The following ARID1B variants were observed in gnomAD, a reference collection of about 807,000 sequenced individuals.
ARID1B encodes the protein AT-rich interactive domain-containing protein 1B.
Under a neutral mutation model 212.3 loss-of-function variants are expected in ARID1B, and 30 were observed. The observed-to-expected ratio is 0.14, with a 90% CI of 0.11 to 0.19. The LOEUF (loss-of-function observed/expected upper bound fraction) is 0.19. Ranked by LOEUF, ARID1B falls within the 10% of genes least tolerant of loss-of-function variation. The pLI, the probability that ARID1B is intolerant of heterozygous loss-of-function variation, is 1.00. For missense variants in ARID1B, 2,891 were observed against 3,204.0 expected (o/e 0.90, Z 2.36); for synonymous variants, 1,402 against 1,301.7 (o/e 1.08, Z -1.66).
At chr6:157,011,774 C>T (rs1173837606) in intron 4 of ARID1B, among the ~76,000 whole-genome samples, 5 of 152,196 alleles carry the variant, frequency 3.3e-5, no homozygotes, top group African/African-American at 1.2e-4. Flanking sequence ...TTCTCTACTA[C>T]CTTATTTTGG....
chr6:156,959,543 T>C (rs1245987540), intron 4 of ARID1B, among the ~76,000 whole-genome samples: 1 of 147,502 alleles, frequency 6.8e-6, no homozygotes, highest in Non-Finnish European at 1.5e-5. Flanking sequence ...GTCTGTTTAT[T>C]GTTACAGTGT....
chr6:157,175,536 A>G (rs1239345325), intron 11 of ARID1B: 1 of 152,230 alleles, frequency 6.6e-6, no homozygotes, highest in African/African-American at 2.4e-5. Context: ...TTTGTCTGAA[A>G]TTAATAAAAA....
intron 6 of ARID1B, among the ~76,000 whole-genome samples, chr6:157,123,245 CCCCACA>C (rs1260060950): frequency 8.3e-6 from 1 of 120,342 alleles, no homozygotes; most frequent in East Asian, 3.3e-4. Flanking sequence ...CCCGCCCCCC[CCCCACA>C]CACACACAAG....
chr6:157,202,839 A>C (rs941835906), intron 18 of ARID1B, among the ~76,000 whole-genome samples: 1 of 151,292 alleles, frequency 6.6e-6, no homozygotes, highest in Non-Finnish European at 1.5e-5. Flanking sequence ...GACACTGAGC[A>C]CCATTTTATA....
At chr6:157,021,553 G>A (rs1044276567) in intron 4 of ARID1B, among the ~76,000 whole-genome samples, 6 of 152,218 alleles carry the variant, frequency 3.9e-5, no homozygotes, top group African/African-American at 1.4e-4. Context: ...TGGGGGCGGG[G>A]ACAGGGGGAC....
intron 7 of ARID1B, among the ~76,000 whole-genome samples, chr6:157,138,384 C>A (rs1425248216): frequency 6.6e-6 from 1 of 152,132 alleles, no homozygotes; most frequent in Non-Finnish European, 1.5e-5. Context: ...CACAGACATG[C>A]ACCCCACGCC....
intron 3 of ARID1B, among the ~76,000 whole-genome samples, chr6:156,922,336 C>CTATTTTTTG (rs915080097): frequency 1.3e-5 from 2 of 152,030 alleles, no homozygotes; most frequent in Non-Finnish European, 2.9e-5. Context: ...CCGTGCCCAG[C>CTATTTTTTG]TATTTTTTGT....
At chr6:156,872,810 G>T (rs528309015) in intron 2 of ARID1B, among the ~76,000 whole-genome samples, 1 of 151,332 alleles carries the variant, frequency 6.6e-6, no homozygotes, top group African/African-American at 2.4e-5. Context: ...GATGTTGTTC[G>T]TGAGCCTGCT....
chr6:157,087,084 C>T (rs1238775966), intron 5 of ARID1B, among the ~76,000 whole-genome samples: 7 of 152,130 alleles, frequency 4.6e-5, no homozygotes, highest in African/African-American at 1.2e-4. Flanking sequence ...CCTCTGTAGC[C>T]GACCTCTATA....
chr6:157,027,810 A>G (rs1245267398), intron 4 of ARID1B, among the ~76,000 whole-genome samples: 2 of 152,208 alleles, frequency 1.3e-5, no homozygotes, highest in African/African-American at 4.8e-5. Flanking sequence ...CTTTGTAACA[A>G]CTTTCAGCTT....
intron 10 of ARID1B, 28 bp downstream of exon 10, chr6:157,174,145 T>TGA (rs776374783): frequency 6.3e-7 from 1 of 1,597,612 alleles, no homozygotes; most frequent in South Asian, 1.1e-5. Context: ...GCACGCGGTG[T>TGA]GAGGTCTGCC....
chr6:156,905,246 G>GCACACACACACACA (rs1332724351), intron 3 of ARID1B, among the ~76,000 whole-genome samples: 155 of 76,026 alleles, frequency 2.0e-3, no homozygotes, highest in African/African-American at 0.012. Context: ...GCTCACATAT[G>GCACACACACACACA]CACGCACACA....
chr6:156,818,924 T>C (rs191801670), intron 1 of ARID1B, among the ~76,000 whole-genome samples: 416 of 151,756 alleles, frequency 2.7e-3, no homozygotes, highest in African/African-American at 9.7e-3. Context: ...ATAATGATGA[T>C]AATAAAATCT....
At chr6:156,971,855 G>A (rs1776953042) in intron 4 of ARID1B, among the ~76,000 whole-genome samples, 1 of 152,132 alleles carries the variant, frequency 6.6e-6, no homozygotes. Flanking sequence ...TAACTAATTA[G>A]GGGCCTTAAT....
chr6:157,175,026 TTTG>T, intron 11 of ARID1B, 21 bp downstream of exon 11: 2 of 1,359,798 alleles, frequency 1.5e-6, no homozygotes, highest in Non-Finnish European at 1.9e-6. Flanking sequence ...CTGGTTTTTT[TTTG>T]TTTTTTTTGT....
chr6:157,201,560 G>T lies in ARID1B; in HGVS notation c.5263+72G>T. 6.9e-7 allele frequency: 1 copy of T among 1,444,708 alleles called. No homozygotes were observed. 89.5% of individuals were successfully genotyped at this position (1,444,708 alleles called of 1,614,324 possible). On this transcript the variant is annotated intron_variant, in intron 18 of 19. Coordinates refer to ENST00000636930, the MANE Select transcript of ARID1B (RefSeq NM_001374828.1). This position sits in a 1 kb window ranked among gnomAD's most constrained non-coding sequence, Gnocchi z 5.2. ...GTAGAATTTTAATTTTAGTAAAGAT[G>T]CTGTTCCTGCTCATCTTAAAGGGAT...
intron 1 of ARID1B, among the ~76,000 whole-genome samples, chr6:156,795,301 A>ACTC: frequency 1.3e-5 from 2 of 152,290 alleles, no homozygotes; most frequent in East Asian, 3.9e-4. Flanking sequence ...CGAGTCCAGA[A>ACTC]ATCCATGAGT....
At chr6:156,968,335 A>C (rs1271087551) in intron 4 of ARID1B, among the ~76,000 whole-genome samples, 1 of 151,958 alleles carries the variant, frequency 6.6e-6, no homozygotes, top group Admixed American at 6.6e-5. Context: ...GAAAATATCT[A>C]TATCTGAAAA....
intron 3 of ARID1B, among the ~76,000 whole-genome samples, chr6:156,906,052 T>C (rs1000736327): frequency 2.0e-5 from 3 of 152,182 alleles, no homozygotes; most frequent in South Asian, 2.1e-4. Flanking sequence ...GATGCAGTCC[T>C]GAGGAGCCCC....
Sources: allele counts gnomAD v4.1 joint callset (sites outside exome capture counted in the v4.1 genomes callset), GRCh38; gene constraint gnomAD v4.1.1; non-coding constraint Gnocchi (gnomAD v3.1); transcripts MANE v1.5; gene names NCBI Gene and HGNC (gene_info 2026-07-23, HGNC 2026-07-21).